The following GPAT2 variants were observed in gnomAD, a reference collection of about 807,000 sequenced individuals.
GPAT2 encodes the protein 1-acylglycerol-3-phosphate O-acyltransferase GPAT2.
GPAT2 carries 51 observed loss-of-function variants against 71.0 expected under a neutral mutation model. The ratio of observed to expected loss-of-function variants is 0.72; its 90% CI spans 0.57 to 0.91. The LOEUF (loss-of-function observed/expected upper bound fraction) is 0.91. GPAT2 is among the 40% of genes least tolerant of loss of function. The pLI is 0.00. For synonymous variants in GPAT2, 222 were observed against 290.3 expected (o/e 0.76, Z 2.39); for missense variants, 511 against 666.0 (o/e 0.77, Z 2.56).
Position 96,023,299 on chromosome 2 carries a change from T to G in GPAT2, c.2046+10A>C, listed in dbSNP as rs767939362. 10 of 1,614,032 alleles carry G rather than the reference T, an allele frequency of 6.2e-6. No individual in the cohort carries two copies. Among genetic ancestry groups the G allele is most frequent in the East Asian group, 2.2e-5 (1 of 44,900 alleles). ...CCACCTCCCTCCAGGGGCAGCTTTT[T>G]GAAACACACCCTGAAGTACCGGCCG... On this transcript the variant is annotated intron_variant, in intron 18 of 21. Coordinates refer to ENST00000434632, the MANE Select transcript of GPAT2 (RefSeq NM_001321527.2).
At position 96,025,548 on chromosome 2, in the gene GPAT2, G is replaced by A. The variant is rs1178956793; in HGVS notation, c.1294C>T (p.Leu432Phe). 1.3e-6 allele frequency: 2 copies of A among 1,569,160 alleles called. No homozygotes were observed. The highest frequency in any genetic ancestry group is 3.8e-5 in the Admixed American group (2 of 52,472). ...TGGTCCTCTTCCTTGAGGGCCAGGAGAGGCCCAGTTATGGGGGTCCACTCC... is the reference window on the plus strand; with the variant it reads ...TGGTCCTCTTCCTTGAGGGCCAGGAAAGGCCCAGTTATGGGGGTCCACTCC... ...EQEWTPITGP[L>F]LALKEEDQLL... Residue 432 changes from leucine (L) to phenylalanine (F), a missense_variant, in exon 13 of 22, where the codon CTC (leucine) becomes TTC (phenylalanine). Physicochemically the swap from Leu to Phe is conservative, Grantham distance 22. Transcript: ENST00000434632.
chr2:96,024,894 C>G, intron 13 of GPAT2, 51 bp from the exon 14 acceptor site: 1 of 1,596,586 alleles, frequency 6.3e-7, no homozygotes, highest in Non-Finnish European at 8.6e-7. Flanking sequence ...GCCCAGCAGC[C>G]TGGTCCCTCC....
At chr2:96,023,872 G>A (rs1233766502) in intron 17 of GPAT2, 51 bp downstream of exon 17, 3 of 1,546,236 alleles carry the variant, frequency 1.9e-6, no homozygotes, top group African/African-American at 1.4e-5. Context: ...GTGGGAGGCT[G>A]GAGGAGGCCA....
rs200355955 is a variant in GPAT2, at chr2:96,022,723, T to G, written c.2234A>C (p.Glu745Ala). ...QATAQEEGIF[E>A]CADPKLAISA... ...GATGGCGAGCTTTGGGTCCGCACACTCTGGAAAGAAGAGAGAAGTGAAGGC... is the reference window on the plus strand; with the variant it reads ...GATGGCGAGCTTTGGGTCCGCACACGCTGGAAAGAAGAGAGAAGTGAAGGC... The change falls in exon 21 of 22, where the codon GAG becomes GCG. Residue 745 changes from glutamate to alanine, a missense_variant and splice_region_variant. Around this residue, in one of 7 missense-constraint regions of GPAT2, gnomAD observed 108 missense variants for 117.6 expected, o/e 0.92. Transcript: ENST00000434632. 57 of 1,613,674 alleles carry G rather than the reference T, an allele frequency of 3.5e-5. No individual in the cohort carries two copies. Among genetic ancestry groups the G allele is most frequent in the Non-Finnish European group, 4.7e-5 (56 of 1,179,830 alleles).
chr2:96,022,624 G>A (rs1679806773), intron 21 of GPAT2, 44 bp downstream of exon 21: 2 of 1,601,574 alleles, frequency 1.2e-6, no homozygotes, highest in Non-Finnish European at 1.7e-6. Context: ...CTCTATTGGG[G>A]TGGGAGCAGG....
chr2:96,024,614 A>G lies in GPAT2; in HGVS notation c.1500T>C (p.Asp500=), dbSNP rs770487851. Residue 500 remains aspartate, a synonymous_variant, in exon 15 of 22, where the codon GAT becomes GAC. Coordinates refer to ENST00000434632, the MANE Select transcript of GPAT2 (RefSeq NM_001321527.2). ...TCCGCAGCTGCCCAGAGAAGCCTAC[A>G]TCAAAGCCACGCAACAGTATCTCCT... is the stretch of plus-strand genomic sequence containing the variant. ...LTEEILLRGF[D]VGFSGQLRSL... 32 of 1,613,808 alleles carry G rather than the reference A, an allele frequency of 2.0e-5. No homozygotes were observed. The highest frequency in any genetic ancestry group is 2.6e-5 in the Non-Finnish European group (31 of 1,179,918).
intron 16 of GPAT2, 69 bp from the exon 17 acceptor site, chr2:96,024,069 C>G: frequency 6.3e-7 from 1 of 1,590,544 alleles, no homozygotes; most frequent in Non-Finnish European, 8.6e-7. Flanking sequence ...AGCCAAAGAC[C>G]GGGCAAGGCC....
Position 96,023,965 on chromosome 2 carries a change from C to T in GPAT2, c.1872G>A (p.Val624=). ...GCCCGCATTGGATGAGCCGGTCCAG[C>T]ACCTCCTGACAGTAGCAGTAGGAAG... ...CQSSYCYCQE[V]LDRLIQCGLL... The change falls in exon 17 of 22, where the codon GTG becomes GTA. Residue 624 remains valine (V), a synonymous_variant. Coordinates refer to ENST00000434632, the MANE Select transcript of GPAT2 (RefSeq NM_001321527.2). 6.2e-7 allele frequency: 1 copy of T among 1,606,930 alleles called. No homozygotes were observed.
Position 96,024,608 on chromosome 2 carries a change from G to A in GPAT2, c.1506C>T (p.Gly502=), listed in dbSNP as rs1366847007. The change falls in exon 15 of 22, where the codon GGC becomes GGT. Residue 502 remains glycine, a synonymous_variant. Transcript: ENST00000434632. ...EEILLRGFDV[G]FSGQLRSLLQ... is the part of the protein sequence containing the mutation. ...GCAGGCTCCGCAGCTGCCCAGAGAA[G>A]CCTACATCAAAGCCACGCAACAGTA... is the stretch of plus-strand genomic sequence containing the variant. 2.5e-6 allele frequency: 4 copies of A among 1,613,850 alleles called. No individual in the cohort carries two copies. In the East Asian group the frequency reaches 6.7e-5, roughly 27 times the overall value.
In GPAT2 at chr2:96,024,690, G is replaced by A. The variant is rs774827939; in HGVS notation, c.1429-5C>T. On this transcript the variant is annotated splice_region_variant and splice_polypyrimidine_tract_variant and intron_variant, in intron 14 of 21. Transcript: ENST00000434632. ...GAGCTGCGACAGGAACACACCCTGG[G>A]TGGGCAGAGCAGGGCTAGGCAGCAG... The A allele has an allele frequency of 5.0e-6, 8 of 1,613,654 alleles. No homozygotes were observed. The highest frequency in any genetic ancestry group is 6.8e-6 in the Non-Finnish European group (8 of 1,179,882).
In GPAT2 at chr2:96,024,651, G is replaced by A; in HGVS notation, c.1463C>T (p.Ser488Phe). 1.2e-6 allele frequency: 2 copies of A among 1,613,622 alleles called. No homozygotes were observed. Among genetic ancestry groups the A allele is most frequent in the Non-Finnish European group, 1.7e-6 (2 of 1,179,650 alleles). ...CAACAGTATCTCCTCCGTCAGCCAGGAGAACTCCCCCAGGAGCTGCGACAG... is the reference window on the plus strand; with the variant it reads ...CAACAGTATCTCCTCCGTCAGCCAGAAGAACTCCCCCAGGAGCTGCGACAG... ...VFLSQLLGEF[S>F]WLTEEILLRG... is the part of the protein sequence containing the mutation. Residue 488 changes from serine to phenylalanine, a missense_variant, in exon 15 of 22, where the codon TCC (serine) becomes TTC (phenylalanine). Coordinates refer to ENST00000434632, the MANE Select transcript of GPAT2 (RefSeq NM_001321527.2).
chr2:96,034,042 T>C lies in GPAT2; in HGVS notation c.-61+811A>G, dbSNP rs548197740. ...CACACATATATACATATATAATACA[T>C]ATATACATATATACACACACATATA... On this transcript the variant is annotated intron_variant, in intron 1 of 21. Transcript: ENST00000434632. Among the ~76,000 whole-genome samples the C allele has an allele frequency of 6.6e-5, 10 of 151,172 alleles. No individual in the cohort carries two copies. The East Asian group carries it at 1.6e-3, about 23-fold the overall frequency.
chr2:96,025,338 G>T, intron 13 of GPAT2, 147 bp downstream of exon 13: 1 of 1,091,930 alleles, frequency 9.2e-7, no homozygotes. Flanking sequence ...TAGGAGAAGG[G>T]TTCCATTCTT....
intron 17 of GPAT2, chr2:96,023,652 T>TG: frequency 1.5e-6 from 1 of 658,878 alleles, no homozygotes; most frequent in Admixed American, 2.9e-5. Flanking sequence ...GGCCAAGAAA[T>TG]GTGGGGAGCA....
At chr2:96,033,805 C>T (rs1438629165) in intron 1 of GPAT2, among the ~76,000 whole-genome samples, 1 of 124,234 alleles carries the variant, frequency 8.0e-6, no homozygotes, top group East Asian at 2.4e-4. Context: ...CCCCCAACCC[C>T]CAAATCTAAC....
chr2:96,025,938 C>A lies in GPAT2; in HGVS notation c.1230G>T (p.Leu410=). 1 of 1,612,290 alleles carries A rather than the reference C, an allele frequency of 6.2e-7. No homozygotes were observed. The highest frequency in any genetic ancestry group is 1.1e-5 in the South Asian group (1 of 91,012). Residue 410 remains leucine (L), a synonymous_variant, in exon 12 of 22, where the codon CTG becomes CTT. Transcript: ENST00000434632. ...CGCTCCTGTGCCCCTACCATTGGCC[C>A]AGCACGATGGGCTGCAGTAGCTGCT... The part of the protein sequence containing the change: ...TLEQLLQPIV[L]GQCTAVPDTE...
rs1445322502 is a variant in GPAT2, at chr2:96,024,773, C to T, written c.1428G>A (p.Lys476=). The part of the protein sequence containing the change: ...MATLLLFKHQ[K]GVFLSQLLGE... ...GTCCCCACCACATTGCACCCCCTAC[C>T]TTCTGATGCTTGAAGAGCAGCAGCG... Residue 476 remains lysine (K), a splice_region_variant and synonymous_variant, in exon 14 of 22, where the codon AAG becomes AAA. Transcript: ENST00000434632. 4 of 1,613,902 alleles carry T rather than the reference C, an allele frequency of 2.5e-6. No individual in the cohort carries two copies. Among genetic ancestry groups the T allele is most frequent in the Non-Finnish European group, 3.4e-6 (4 of 1,180,000 alleles).
chr2:96,025,488 T>A lies in GPAT2; in HGVS notation c.1354A>T (p.Ser452Cys). ...LVRRLSCHVL[S>C]ASVGSSAVMS... Reference sequence around the variant, plus strand: ...CCCAGATCTGGTTCACCCTCACCACTCAGGACATGACAGCTCAGTCTCCTG... The same window carrying A: ...CCCAGATCTGGTTCACCCTCACCACACAGGACATGACAGCTCAGTCTCCTG... The change falls in exon 13 of 22, where the codon AGT (serine) becomes TGT (cysteine). Residue 452 changes from serine (S) to cysteine (C), a missense_variant. Physicochemically the swap from Ser to Cys is moderately radical, Grantham distance 112. Around this residue, in one of 7 missense-constraint regions of GPAT2, gnomAD observed 295 missense variants for 305.5 expected, o/e 0.97. Transcript: ENST00000434632. 6.4e-7 allele frequency: 1 copy of A among 1,573,252 alleles called. No homozygotes were observed. The highest frequency in any genetic ancestry group is 8.6e-7 in the Non-Finnish European group (1 of 1,159,544).
chr2:96,023,737 T>G, intron 17 of GPAT2, 186 bp downstream of exon 17: 2 of 1,175,320 alleles, frequency 1.7e-6, no homozygotes, highest in Non-Finnish European at 2.4e-6. Flanking sequence ...GGGGCATAGG[T>G]GGCTATATCC....
Sources: gnomAD v4.1 joint callset for allele counts (sites outside exome capture counted in the v4.1 genomes callset) on GRCh38, gnomAD v4.1.1 for gene constraint, gnomAD v4.1.1 regional missense constraint, MANE v1.5 for transcripts, NCBI Gene and HGNC (gene_info 2026-07-23, HGNC 2026-07-21) for gene names.